Variants in TNIK observed in about 807,000 individuals in gnomAD.
The protein encoded by TNIK is TRAF2 and NCK-interacting protein kinase.
TNIK carries 49 observed loss-of-function variants against 191.3 expected under a neutral mutation model. That is an observed-to-expected ratio of 0.26 (90% confidence interval 0.20 to 0.32). TNIK has a LOEUF of 0.32. TNIK is among the 10% of genes least tolerant of loss of function. The probability of loss-of-function intolerance (pLI) is 1.00; values close to 1 mark genes in which losing one functional copy is unlikely to be tolerated. For missense variants in TNIK, 1,155 were observed against 1,702.3 expected (o/e 0.68, Z 5.66); for synonymous variants, 594 against 600.9 (o/e 0.99, Z 0.17).
chr3:171,323,518 G>A (rs1354506195), intron 2 of TNIK, among the ~76,000 whole-genome samples: 1 of 152,176 alleles, frequency 6.6e-6, no homozygotes, highest in Non-Finnish European at 1.5e-5. Context: ...CGAGGTCAGT[G>A]TTGGGCACTG....
chr3:171,127,238 G>A (rs908232863), intron 16 of TNIK, among the ~76,000 whole-genome samples: 1 of 152,046 alleles, frequency 6.6e-6, no homozygotes, highest in African/African-American at 2.4e-5. Context: ...TTTAAGTGCT[G>A]GAATGTTATT....
chr3:171,124,006 C>A (rs144326370), intron 17 of TNIK, among the ~76,000 whole-genome samples: 48 of 152,256 alleles, frequency 3.2e-4, no homozygotes, highest in African/African-American at 1.1e-3. Context: ...AAATAATTGA[C>A]CTCTCTTGGT....
chr3:171,117,600 A>G (rs1447847325), intron 18 of TNIK, among the ~76,000 whole-genome samples: 1 of 152,184 alleles, frequency 6.6e-6, no homozygotes, highest in Admixed American at 6.5e-5. Flanking sequence ...AAGGAACTGC[A>G]GGCATTGCCC....
At chr3:171,093,166 G>A (rs1052412325) in intron 23 of TNIK, among the ~76,000 whole-genome samples, 6 of 152,192 alleles carry the variant, frequency 3.9e-5, no homozygotes, top group East Asian at 3.9e-4. Flanking sequence ...AGGAAAAGAC[G>A]GATTTCAATT....
intron 24 of TNIK, among the ~76,000 whole-genome samples, chr3:171,087,057 T>C (rs1290265487): frequency 6.6e-6 from 1 of 152,200 alleles, no homozygotes; most frequent in Non-Finnish European, 1.5e-5. Context: ...TGGTCTTAGA[T>C]CTGTCACAAA....
rs181531248 is a variant in TNIK at position 171,121,741 on chromosome 3, T to C, written c.2120+1855A>G. Among the ~76,000 whole-genome samples the C allele has an allele frequency of 2.2e-4, 33 of 152,298 alleles. No individual in the cohort carries two copies. In the East Asian group the frequency reaches 6.2e-3, roughly 28 times the overall value. Reference sequence around the variant, plus strand: ...TGGCTCTCACTGTAAATAAAACAAATCTTGAAGCTTTTAAAAATGCAATCC... The same window carrying C: ...TGGCTCTCACTGTAAATAAAACAAACCTTGAAGCTTTTAAAAATGCAATCC... On this transcript the variant is annotated intron_variant, in intron 18 of 32. Transcript: ENST00000436636.
intron 12 of TNIK, among the ~76,000 whole-genome samples, chr3:171,151,247 G>T (rs776569294): frequency 3.9e-5 from 6 of 152,154 alleles, no homozygotes; most frequent in Non-Finnish European, 8.8e-5. Flanking sequence ...CCTAAAGCTG[G>T]CCATCTAAGA....
At chr3:171,110,413 CAG>C (rs1490965497) in intron 19 of TNIK, among the ~76,000 whole-genome samples, 6 of 152,138 alleles carry the variant, frequency 3.9e-5, no homozygotes, top group Non-Finnish European at 8.8e-5. Context: ...CAAACAGAAA[CAG>C]AAATTCAGGT....
chr3:171,168,082 G>A (rs147339164), intron 9 of TNIK, among the ~76,000 whole-genome samples: 66 of 152,312 alleles, frequency 4.3e-4, no homozygotes, highest in African/African-American at 1.4e-3. Flanking sequence ...GAGAGCTGGC[G>A]AGAGATACCA....
At chr3:171,336,814 A>G (rs1342920198) in intron 2 of TNIK, among the ~76,000 whole-genome samples, 1 of 152,246 alleles carries the variant, frequency 6.6e-6, no homozygotes, top group Non-Finnish European at 1.5e-5. Flanking sequence ...TAAGGTCAGC[A>G]AAGTGAGGTA....
At chr3:171,446,996 G>A (rs1577970516) in intron 1 of TNIK, among the ~76,000 whole-genome samples, 1 of 152,140 alleles carries the variant, frequency 6.6e-6, no homozygotes, top group South Asian at 2.1e-4. Context: ...TTTGAGACCA[G>A]CCTGGCCAAC....
Position 171,063,714 on chromosome 3 carries a change from A to G in TNIK, c.*167T>C, listed in dbSNP as rs1718073993. The G allele has an allele frequency of 1.7e-6, 1 of 571,808 alleles. No homozygotes were observed. The allele number at this position is 571,808 out of a possible 1,614,324, so 35.4% of individuals were successfully genotyped here. On this transcript the variant is annotated 3_prime_UTR_variant, in exon 33 of 33. Transcript: ENST00000436636. ...CTCTCCTTCTCAACCAGGCTGCAAC[A>G]TTGAAAGATGGACTGTACTGGGAGG...
chr3:171,365,212 C>T (rs1213277748), intron 2 of TNIK, among the ~76,000 whole-genome samples: 1 of 69,150 alleles, frequency 1.4e-5, no homozygotes, highest in Non-Finnish European at 3.1e-5. Context: ...GACAGAGTTT[C>T]GCTCTACTTG....
chr3:171,276,433 G>A (rs368890281), intron 2 of TNIK, among the ~76,000 whole-genome samples: 5 of 152,114 alleles, frequency 3.3e-5, no homozygotes, highest in Admixed American at 1.3e-4. Flanking sequence ...CTTGGATGTC[G>A]GAAAATGTCA....
intron 2 of TNIK, among the ~76,000 whole-genome samples, chr3:171,235,717 A>G (rs893000035): frequency 2.6e-5 from 4 of 151,666 alleles, no homozygotes; most frequent in African/African-American, 7.3e-5. Flanking sequence ...TTAAAAGTTA[A>G]CAACCATATG....
At chr3:171,208,951 T>G (rs1324175394) in intron 4 of TNIK, among the ~76,000 whole-genome samples, 1 of 152,150 alleles carries the variant, frequency 6.6e-6, no homozygotes, top group East Asian at 1.9e-4. Context: ...GACTCCCTAT[T>G]GGTTAACTTC....
At chr3:171,250,938 T>A (rs1746153421) in intron 2 of TNIK, among the ~76,000 whole-genome samples, 1 of 152,230 alleles carries the variant, frequency 6.6e-6, no homozygotes, top group Non-Finnish European at 1.5e-5. Context: ...AAATACAGTG[T>A]ACATTATTCA....
intron 12 of TNIK, among the ~76,000 whole-genome samples, chr3:171,151,495 G>T (rs1409319995): frequency 1.3e-5 from 2 of 152,180 alleles, no homozygotes. Flanking sequence ...GGCTCACTAT[G>T]TGTTAGTGAT....
chr3:171,396,147 A>G (rs751878654), intron 1 of TNIK, among the ~76,000 whole-genome samples: 3 of 151,022 alleles, frequency 2.0e-5, no homozygotes, highest in African/African-American at 4.9e-5. Flanking sequence ...GCAATCAGTC[A>G]TCTACTTTCT....
Sources: gnomAD v4.1 joint callset for allele counts (sites outside exome capture counted in the v4.1 genomes callset) on GRCh38, gnomAD v4.1.1 for gene constraint, MANE v1.5 for transcripts, NCBI Gene and HGNC (gene_info 2026-07-23, HGNC 2026-07-21) for gene names.